SLC10A1: variants seen among roughly 807,000 people sequenced by gnomAD.
SLC10A1 encodes the protein solute carrier family 10 member 1.
SLC10A1 carries 36 observed loss-of-function variants against 20.5 expected under a neutral mutation model. The observed-to-expected ratio is 1.75, with a 90% CI of 1.34 to 2.32. SLC10A1 has a LOEUF of 2.32. SLC10A1 is among the 30% of genes most tolerant of loss of function. The probability of loss-of-function intolerance (pLI) is 0.00; values close to 1 mark genes in which losing one functional copy is unlikely to be tolerated. For missense variants in SLC10A1, 545 were observed against 439.1 expected (o/e 1.24, Z -2.16); for synonymous variants, 188 against 163.6 (o/e 1.15, Z -1.14).
chr14:69,776,440 C>T (rs539927384), intron 4 of SLC10A1, 52 bp from the exon 5 acceptor site: 2 of 1,400,946 alleles, frequency 1.4e-6, no homozygotes, highest in Non-Finnish European at 2.0e-6. Context: ...GAGGAGTGAA[C>T]AATGAAGCTT....
intron 2 of SLC10A1, among the ~76,000 whole-genome samples, chr14:69,783,054 G>A (rs1049819016): frequency 5.3e-5 from 8 of 151,968 alleles, no homozygotes; most frequent in African/African-American, 1.2e-4. Flanking sequence ...CTTTAAGATC[G>A]TTTATGGGTG....
At chr14:69,783,966 T>C (rs1883655876) in intron 2 of SLC10A1, among the ~76,000 whole-genome samples, 1 of 152,112 alleles carries the variant, frequency 6.6e-6, no homozygotes, top group African/African-American at 2.4e-5. Context: ...CTTTAACATA[T>C]ATTGAGTTTT....
At position 69,786,011 on chromosome 14, in the gene SLC10A1, A is replaced by G. The variant is rs73285222; in HGVS notation, c.567+86T>C. On this transcript the variant is annotated intron_variant, in intron 2 of 4. Coordinates refer to ENST00000216540, the MANE Select transcript of SLC10A1 (RefSeq NM_003049.4). Reference sequence around the variant, plus strand: ...ATCTAGTAGGAGCATATGTATGTTTATTATTAATATAATGATTATATCTTA... The same window carrying G: ...ATCTAGTAGGAGCATATGTATGTTTGTTATTAATATAATGATTATATCTTA... 4.1e-3 allele frequency: 3,914 copies of G among 943,492 alleles called. 95 individuals carry two copies. In the African/African-American group the frequency reaches 0.057, roughly 14 times the overall value. 58.4% of individuals were successfully genotyped at this position (943,492 alleles called of 1,614,324 possible).
chr14:69,790,382 T>G (rs72725743), intron 1 of SLC10A1, among the ~76,000 whole-genome samples: 11,342 of 152,098 alleles, frequency 0.075, 599 homozygotes, highest in East Asian at 0.16. Flanking sequence ...GAGAATGATA[T>G]TACGAGAAAA....
At chr14:69,784,660 G>C (rs891068246) in intron 2 of SLC10A1, among the ~76,000 whole-genome samples, 3 of 152,144 alleles carry the variant, frequency 2.0e-5, no homozygotes, top group Admixed American at 2.0e-4. Flanking sequence ...TTTGAAGATA[G>C]AAGATATGTG....
chr14:69,781,373 T>C (rs1236283248), intron 2 of SLC10A1, among the ~76,000 whole-genome samples: 2 of 152,244 alleles, frequency 1.3e-5, no homozygotes, highest in Non-Finnish European at 2.9e-5. Flanking sequence ...TGCTCATTCA[T>C]GGGCAGCCAA....
intron 2 of SLC10A1, among the ~76,000 whole-genome samples, chr14:69,781,746 C>T (rs1883597385): frequency 6.6e-6 from 1 of 152,162 alleles, no homozygotes; most frequent in Non-Finnish European, 1.5e-5. Context: ...ACCCTTTTAG[C>T]CACATAGCCT....
chr14:69,788,078 C>G (rs1883763989), intron 1 of SLC10A1, among the ~76,000 whole-genome samples: 1 of 151,778 alleles, frequency 6.6e-6, no homozygotes, highest in Non-Finnish European at 1.5e-5. Flanking sequence ...AGTGGGGGAA[C>G]TCAAGCTGAA....
At chr14:69,795,624 G>C (rs1377185625) in intron 1 of SLC10A1, among the ~76,000 whole-genome samples, 3 of 151,984 alleles carry the variant, frequency 2.0e-5, no homozygotes, top group African/African-American at 7.3e-5. Flanking sequence ...TGTTGCCCAG[G>C]TTGGTCTTAA....
At chr14:69,782,490 T>G (rs1883615682) in intron 2 of SLC10A1, among the ~76,000 whole-genome samples, 1 of 152,188 alleles carries the variant, frequency 6.6e-6, no homozygotes, top group Admixed American at 6.5e-5. Context: ...GAACTTCATC[T>G]TAAAGGCTTC....
At chr14:69,789,992 G>A (rs1291218676) in intron 1 of SLC10A1, among the ~76,000 whole-genome samples, 1 of 149,086 alleles carries the variant, frequency 6.7e-6, no homozygotes, top group Non-Finnish European at 1.5e-5. Context: ...AAAGAGAGAT[G>A]GCACAAATTG....
At chr14:69,788,109 A>AGG (rs369494712) in intron 1 of SLC10A1, among the ~76,000 whole-genome samples, 11 of 151,884 alleles carry the variant, frequency 7.2e-5, no homozygotes, top group Non-Finnish European at 1.3e-4. Flanking sequence ...GGGGTTCTGG[A>AGG]GGGGAGTGGG....
At chr14:69,780,595 TTTATA>T (rs1566635382) in intron 2 of SLC10A1, among the ~76,000 whole-genome samples, 1 of 152,240 alleles carries the variant, frequency 6.6e-6, no homozygotes. Flanking sequence ...CATTTTAACA[TTTATA>T]TTGCTCAAAT....
At chr14:69,777,578 G>GTTTT (rs4646293) in intron 4 of SLC10A1, among the ~76,000 whole-genome samples, 793 of 72,422 alleles carry the variant, frequency 0.011, 105 homozygotes, top group Middle Eastern at 0.017. Flanking sequence ...TGAATGTCCT[G>GTTTT]TTTTTTTTTT....
rs144006534 is a variant in SLC10A1 at position 69,786,187 on chromosome 14, G to A, written c.477C>T (p.Ile159=). 15 of 1,614,034 alleles carry A rather than the reference G, an allele frequency of 9.3e-6. No homozygotes were observed. Among genetic ancestry groups the A allele is most frequent in the African/African-American group, 2.7e-5 (2 of 75,022 alleles). ...TGAGAACCAGGACCAGTGATATCACGATGCCTTTATAGGGCACCTTGTCCT... is the reference window on the plus strand; with the variant it reads ...TGAGAACCAGGACCAGTGATATCACAATGCCTTTATAGGGCACCTTGTCCT... ...DLKDKVPYKG[I]VISLVLVLIP... The change falls in exon 2 of 5, where the codon ATC becomes ATT. Residue 159 remains isoleucine, a synonymous_variant. Transcript: ENST00000216540.
chr14:69,794,388 AT>A (rs1882344296), intron 1 of SLC10A1, among the ~76,000 whole-genome samples: 1 of 152,166 alleles, frequency 6.6e-6, no homozygotes, highest in African/African-American at 2.4e-5. Flanking sequence ...GACCTGGAAG[AT>A]ATTTCAGTAA....
intron 2 of SLC10A1, among the ~76,000 whole-genome samples, chr14:69,785,379 C>T (rs975476849): frequency 6.6e-6 from 1 of 152,150 alleles, no homozygotes; most frequent in African/African-American, 2.4e-5. Flanking sequence ...TAGCTTCTTG[C>T]CACATCAGCC....
At chr14:69,780,074 A>C (rs1222387792) in intron 2 of SLC10A1, among the ~76,000 whole-genome samples, 2 of 152,232 alleles carry the variant, frequency 1.3e-5, no homozygotes, top group Non-Finnish European at 2.9e-5. Context: ...ACCCAAAATG[A>C]TGTCTAATAA....
chr14:69,795,145 G>C (rs1882364548), intron 1 of SLC10A1, among the ~76,000 whole-genome samples: 1 of 152,212 alleles, frequency 6.6e-6, no homozygotes, highest in Non-Finnish European at 1.5e-5. Context: ...CCAGAAGCCA[G>C]ATCCAAGACC....
Sources: allele counts gnomAD v4.1 joint callset (sites outside exome capture counted in the v4.1 genomes callset), GRCh38; gene constraint gnomAD v4.1.1; transcripts MANE v1.5; gene names NCBI Gene and HGNC (gene_info 2026-07-23, HGNC 2026-07-21).